HOMER1: variants seen among roughly 807,000 people sequenced by gnomAD.
HOMER1 encodes homer protein homolog 1.
A neutral mutation model predicts 48.9 loss-of-function variants in HOMER1; 3 were observed. That is an observed-to-expected ratio of 0.06 (90% CI 0.03 to 0.16). The LOEUF (loss-of-function observed/expected upper bound fraction) is 0.16. HOMER1 is among the 10% of genes least tolerant of loss of function. HOMER1 has a pLI of 1.00. For missense variants in HOMER1, 247 were observed against 411.4 expected (o/e 0.60, Z 3.46); for synonymous variants, 134 against 146.4 (o/e 0.92, Z 0.61).
At chr5:79,444,908 C>T (rs1750835075) in intron 4 of HOMER1, among the ~76,000 whole-genome samples, 1 of 152,158 alleles carries the variant, frequency 6.6e-6, no homozygotes, top group Non-Finnish European at 1.5e-5. Flanking sequence ...TTCAAATGAT[C>T]ATCAAAGTTA....
intron 5 of HOMER1, among the ~76,000 whole-genome samples, chr5:79,404,549 T>A (rs984196498): frequency 2.0e-5 from 3 of 152,186 alleles, no homozygotes; most frequent in Non-Finnish European, 4.4e-5. Flanking sequence ...AGTAAAAAAT[T>A]CAGCTTTGAA....
intron 8 of HOMER1, among the ~76,000 whole-genome samples, chr5:79,392,111 TAATAAA>T (rs778339930): frequency 2.6e-5 from 4 of 152,202 alleles, no homozygotes; most frequent in Non-Finnish European, 4.4e-5. Flanking sequence ...ACATAATACT[TAATAAA>T]AATAAATGGC....
At chr5:79,445,285 A>G (rs778241260) in intron 4 of HOMER1, among the ~76,000 whole-genome samples, 4 of 152,232 alleles carry the variant, frequency 2.6e-5, no homozygotes, top group Non-Finnish European at 4.4e-5. Flanking sequence ...AGTACAGTTC[A>G]GAAACAATTA....
intron 8 of HOMER1, among the ~76,000 whole-genome samples, chr5:79,383,386 CTTT>C (rs200444325): frequency 5.7e-5 from 8 of 139,850 alleles, no homozygotes; most frequent in Admixed American, 1.4e-4. Flanking sequence ...TACAGAACAT[CTTT>C]TTTTTTTTTT....
chr5:79,426,234 T>C (rs537373393), intron 5 of HOMER1, among the ~76,000 whole-genome samples: 2 of 152,096 alleles, frequency 1.3e-5, no homozygotes, highest in Admixed American at 6.5e-5. Flanking sequence ...AGACTAAAAA[T>C]AGAACTACCA....
intron 4 of HOMER1, among the ~76,000 whole-genome samples, chr5:79,446,497 T>C (rs2112286755): frequency 6.6e-6 from 1 of 152,364 alleles, no homozygotes; most frequent in South Asian, 2.1e-4. Flanking sequence ...ATGATCTTTA[T>C]GTACTTTTGC....
chr5:79,394,568 A>T (rs1001084407), intron 8 of HOMER1, among the ~76,000 whole-genome samples: 1 of 152,182 alleles, frequency 6.6e-6, no homozygotes, highest in Non-Finnish European at 1.5e-5. Context: ...TCTATCAATG[A>T]TGAAATCCAT....
At chr5:79,460,097 C>T (rs559018828) in intron 1 of HOMER1, among the ~76,000 whole-genome samples, 2 of 152,308 alleles carry the variant, frequency 1.3e-5, no homozygotes, top group African/African-American at 4.8e-5. Flanking sequence ...TCAAGCAATC[C>T]TCCCACCTCA....
chr5:79,407,891 C>G (rs953406187), intron 5 of HOMER1, among the ~76,000 whole-genome samples: 1 of 152,182 alleles, frequency 6.6e-6, no homozygotes, highest in Admixed American at 6.5e-5. Context: ...GTTTCTCTTT[C>G]TGTGGTTCCA....
At chr5:79,497,958 G>T (rs961702118) in intron 1 of HOMER1, among the ~76,000 whole-genome samples, 4 of 152,152 alleles carry the variant, frequency 2.6e-5, no homozygotes, top group African/African-American at 9.7e-5. Flanking sequence ...AACTCTGGTG[G>T]TAAAGGAAGT....
intron 3 of HOMER1, among the ~76,000 whole-genome samples, chr5:79,448,393 A>T (rs928819390): frequency 6.6e-6 from 1 of 152,210 alleles, no homozygotes; most frequent in Non-Finnish European, 1.5e-5. Flanking sequence ...AAAAATCTAC[A>T]CTATTGCTAA....
chr5:79,429,509 C>T (rs1750361765), intron 5 of HOMER1, among the ~76,000 whole-genome samples: 1 of 152,160 alleles, frequency 6.6e-6, no homozygotes, highest in African/African-American at 2.4e-5. Context: ...AAAAAGCAGT[C>T]TTTTCAACAA....
chr5:79,462,592 G>T, intron 1 of HOMER1, among the ~76,000 whole-genome samples: 1 of 152,116 alleles, frequency 6.6e-6, no homozygotes, highest in African/African-American at 2.4e-5. Flanking sequence ...ACTACATTTA[G>T]CTCTCAGGCA....
chr5:79,403,571 CAT>C (rs963130992), intron 5 of HOMER1, among the ~76,000 whole-genome samples: 3 of 152,148 alleles, frequency 2.0e-5, no homozygotes, highest in South Asian at 2.1e-4. Context: ...ACTCTTCAAA[CAT>C]GTGAAGAAAA....
chr5:79,420,443 G>A (rs1448350673), intron 5 of HOMER1, among the ~76,000 whole-genome samples: 1 of 152,170 alleles, frequency 6.6e-6, no homozygotes, highest in Non-Finnish European at 1.5e-5. Context: ...AGTTATGTAT[G>A]ACTCCACAAG....
At chr5:79,494,935 A>G (rs1752381132) in intron 1 of HOMER1, among the ~76,000 whole-genome samples, 1 of 152,224 alleles carries the variant, frequency 6.6e-6, no homozygotes, top group Non-Finnish European at 1.5e-5. Flanking sequence ...AAGCATGGTA[A>G]TAACTACCAA....
chr5:79,400,742 C>A (rs1050764474), intron 6 of HOMER1, among the ~76,000 whole-genome samples: 1 of 123,866 alleles, frequency 8.1e-6, no homozygotes, highest in Admixed American at 8.3e-5. Flanking sequence ...AAAACTTCTT[C>A]TTTTTTTTTT....
chr5:79,427,683 TTCCC>T (rs1424516023), intron 5 of HOMER1, among the ~76,000 whole-genome samples: 1,065 of 103,842 alleles, frequency 0.01, 33 homozygotes, highest in African/African-American at 0.044. Context: ...CCTTCCTTCC[TTCCC>T]TTCCTTCCTT....
At position 79,513,562 on chromosome 5, in the gene HOMER1, T is replaced by C. The variant is rs1753003953; in HGVS notation, c.-788A>G. ...CGGAGAGCTGGAGGAGGGGACCCGA[T>C]CCCACCTCCCTCAGCCCCTTCCCGC... On this transcript the variant is annotated 5_prime_UTR_variant, in exon 1 of 9. Coordinates refer to ENST00000334082, the MANE Select transcript of HOMER1 (RefSeq NM_004272.5). 2 of 152,342 alleles carry C rather than the reference T, an allele frequency of 1.3e-5. No homozygotes were observed. Among genetic ancestry groups the C allele is most frequent in the South Asian group, 4.1e-4 (2 of 4,834 alleles). 9.4% of individuals were successfully genotyped at this position (152,342 alleles called of 1,614,324 possible). A position where few individuals can be genotyped will look rare whatever the true frequency, so the allele number is the denominator to read the frequency against.
Sources: allele counts gnomAD v4.1 joint callset (sites outside exome capture counted in the v4.1 genomes callset), GRCh38; gene constraint gnomAD v4.1.1; transcripts MANE v1.5; gene names NCBI Gene and HGNC (gene_info 2026-07-23, HGNC 2026-07-21).